KIAA0319L: variants seen among roughly 807,000 people sequenced by gnomAD.
The protein encoded by KIAA0319L is dyslexia-associated protein KIAA0319-like protein.
KIAA0319L carries 55 observed loss-of-function variants against 120.1 expected under a neutral mutation model. That is an observed-to-expected ratio of 0.46 (90% CI 0.37 to 0.57). The LOEUF (loss-of-function observed/expected upper bound fraction) is 0.57, where lower values mean the gene tolerates loss of function less well. KIAA0319L is among the 20% of genes least tolerant of loss of function. The pLI, the probability that KIAA0319L is intolerant of heterozygous loss-of-function variation, is 0.00. For synonymous variants in KIAA0319L, 398 were observed against 471.9 expected (o/e 0.84, Z 2.03); for missense variants, 1,049 against 1,255.3 (o/e 0.84, Z 2.48).
At chr1:35,442,879 T>C (rs758385655) in intron 18 of KIAA0319L, 27 bp downstream of exon 18, 2 of 1,614,138 alleles carry the variant, frequency 1.2e-6, no homozygotes, top group Non-Finnish European at 1.7e-6. Context: ...CCAAACAGGC[T>C]GGCACTGTGC....
At chr1:35,550,136 C>CT (rs1647145403) in intron 2 of KIAA0319L, among the ~76,000 whole-genome samples, 1 of 152,202 alleles carries the variant, frequency 6.6e-6, no homozygotes, top group Non-Finnish European at 1.5e-5. Context: ...TCAATGCTTT[C>CT]TAACAGTAGG....
chr1:35,535,159 G>A (rs1646528910), intron 2 of KIAA0319L, among the ~76,000 whole-genome samples: 1 of 139,956 alleles, frequency 7.1e-6, no homozygotes, highest in African/African-American at 2.7e-5. Flanking sequence ...CATCTCCCTA[G>A]AAGAGGGCAA....
chr1:35,471,899 T>C (rs1354848097), intron 5 of KIAA0319L, among the ~76,000 whole-genome samples: 2 of 152,178 alleles, frequency 1.3e-5, no homozygotes, highest in African/African-American at 4.8e-5. Context: ...GACAAGGTCT[T>C]CTTCCTTCCT....
intron 4 of KIAA0319L, among the ~76,000 whole-genome samples, chr1:35,475,939 A>G (rs538000122): frequency 6.6e-6 from 1 of 152,182 alleles, no homozygotes; most frequent in Non-Finnish European, 1.5e-5. Context: ...GGACTTTGCT[A>G]AAGTTATTTC....
chr1:35,486,845 A>G (rs1214641953), intron 3 of KIAA0319L, among the ~76,000 whole-genome samples: 1 of 152,048 alleles, frequency 6.6e-6, no homozygotes, highest in Non-Finnish European at 1.5e-5. Flanking sequence ...CACGAGTTTG[A>G]GGCTGCAGTA....
intron 16 of KIAA0319L, among the ~76,000 whole-genome samples, chr1:35,444,968 G>A (rs981847247): frequency 6.6e-6 from 1 of 152,196 alleles, no homozygotes; most frequent in East Asian, 1.9e-4. Context: ...TACCAAGTCT[G>A]TTCTATGCCT....
chr1:35,522,016 A>G (rs918075516), intron 2 of KIAA0319L, among the ~76,000 whole-genome samples: 1 of 152,134 alleles, frequency 6.6e-6, no homozygotes, highest in Non-Finnish European at 1.5e-5. Flanking sequence ...AGGAAGATCC[A>G]TGCAACCGCT....
At chr1:35,516,544 C>T (rs1012425581) in intron 2 of KIAA0319L, among the ~76,000 whole-genome samples, 1 of 152,292 alleles carries the variant, frequency 6.6e-6, no homozygotes, top group East Asian at 1.9e-4. Flanking sequence ...ATTGAAGGAA[C>T]ATACCTCAAA....
chr1:35,538,738 G>A (rs1481364314), intron 2 of KIAA0319L, among the ~76,000 whole-genome samples: 1 of 151,958 alleles, frequency 6.6e-6, no homozygotes, highest in Non-Finnish European at 1.5e-5. Context: ...TGACATTCGG[G>A]TAATTTCATA....
chr1:35,483,123 C>T (rs1644241248), intron 3 of KIAA0319L, among the ~76,000 whole-genome samples: 1 of 152,164 alleles, frequency 6.6e-6, no homozygotes, highest in South Asian at 2.1e-4. Context: ...GTTACAAGAG[C>T]TCATTTATTT....
At chr1:35,498,580 C>T (rs1283463158) in intron 3 of KIAA0319L, among the ~76,000 whole-genome samples, 1 of 152,132 alleles carries the variant, frequency 6.6e-6, no homozygotes, top group Non-Finnish European at 1.5e-5. Context: ...TTCCTCCCTG[C>T]CTCCACTCTG....
intron 4 of KIAA0319L, among the ~76,000 whole-genome samples, chr1:35,477,439 G>T (rs748960684): frequency 6.6e-6 from 1 of 152,054 alleles, no homozygotes; most frequent in Non-Finnish European, 1.5e-5. Flanking sequence ...AGGCCAAGGC[G>T]GACGGATCAC....
intron 2 of KIAA0319L, among the ~76,000 whole-genome samples, chr1:35,509,401 G>A (rs1645334981): frequency 6.6e-6 from 1 of 152,202 alleles, no homozygotes; most frequent in African/African-American, 2.4e-5. Context: ...AATGTCTAGA[G>A]GGACATTCGT....
chr1:35,547,435 C>T (rs1408494510), intron 2 of KIAA0319L, among the ~76,000 whole-genome samples: 1 of 151,440 alleles, frequency 6.6e-6, no homozygotes, highest in East Asian at 1.9e-4. Flanking sequence ...AAAATGTATA[C>T]ATAAATGTTA....
At chr1:35,435,914 G>A (rs1302223746) in intron 20 of KIAA0319L, among the ~76,000 whole-genome samples, 1 of 152,198 alleles carries the variant, frequency 6.6e-6, no homozygotes, top group Non-Finnish European at 1.5e-5. Context: ...GGCTGAGATA[G>A]CAGGACTAGA....
intron 2 of KIAA0319L, 69 bp from the exon 3 acceptor site, chr1:35,507,204 T>C: frequency 7.0e-7 from 1 of 1,432,074 alleles, no homozygotes; most frequent in Non-Finnish European, 9.3e-7. Flanking sequence ...TAAAGAGCCC[T>C]GAGAACCAAC....
rs1645011668 is a variant in KIAA0319L, at chr1:35,501,703, CCT to C, written c.666+4907_666+4908del. 2.0e-5 allele frequency among the ~76,000 whole-genome samples: 3 copies of C among 151,684 alleles called. No homozygotes were observed. In the South Asian group the frequency reaches 6.3e-4, roughly 32 times the overall value. ...ACCAGCCTGACCAACATGGAGAAAC[CCT>C]GTCTCTACTAAAAATACAAAAAATT... On this transcript the variant is annotated intron_variant, in intron 3 of 20. Transcript: ENST00000325722.
Position 35,433,598 on chromosome 1 carries a change from A to G in KIAA0319L, c.*1296T>C, listed in dbSNP as rs1340077281. 6.6e-6 allele frequency: 1 copy of G among 152,298 alleles called. No individual in the cohort carries two copies. The highest frequency in any genetic ancestry group is 6.5e-5 in the Admixed American group (1 of 15,288). The allele number at this position is 152,298 out of a possible 1,614,324, so 9.4% of individuals were successfully genotyped here. On this transcript the variant is annotated 3_prime_UTR_variant, in exon 21 of 21. Transcript: ENST00000325722. ...ACTCCCCCAAAGTTTCCATTCCCCA[A>G]TACCCAGATAACCATGGTGGAACAG... is the stretch of plus-strand genomic sequence containing the variant.
At chr1:35,470,820 A>G in intron 6 of KIAA0319L, 43 bp downstream of exon 6, 1 of 1,168,904 alleles carries the variant, frequency 8.6e-7, no homozygotes, top group Non-Finnish European at 1.3e-6. Context: ...AAAACAGTCA[A>G]CTCCTCTACC....
Sources: allele counts gnomAD v4.1 joint callset (sites outside exome capture counted in the v4.1 genomes callset), GRCh38; gene constraint gnomAD v4.1.1; transcripts MANE v1.5; gene names NCBI Gene and HGNC (gene_info 2026-07-23, HGNC 2026-07-21).